Variants in TLE6 observed in about 807,000 individuals in gnomAD.
TLE6 encodes transducin-like enhancer protein 6.
A neutral mutation model predicts 77.1 loss-of-function variants in TLE6; 72 were observed. That is an observed-to-expected ratio of 0.93 (90% confidence interval 0.77 to 1.14). The LOEUF is 1.14. TLE6 is among the 50% of genes most tolerant of loss of function. The pLI, the probability that TLE6 is intolerant of heterozygous loss-of-function variation, is 0.00. For missense variants in TLE6, 843 were observed against 747.6 expected, an observed-to-expected ratio of 1.13 and a Z score of -1.49; for synonymous variants, 366 against 287.3, an observed-to-expected ratio of 1.27 and a Z score of -2.77.
At position 2,978,602 on chromosome 19, in the gene TLE6, A is replaced by T. The variant is rs1160369379; in HGVS notation, c.51+318A>T. The stretch of plus-strand genomic sequence containing the variant: ...CTGTCTCTGTAAAAAATAAAACTAG[A>T]AGAATCAGCTGGGCCTAGTGACGTG... On this transcript the variant is annotated intron_variant, in intron 2 of 16. Coordinates refer to ENST00000246112, the MANE Select transcript of TLE6 (RefSeq NM_001143986.2). Among the ~76,000 whole-genome samples the T allele has an allele frequency of 2.0e-5, 3 of 152,078 alleles. No individual in the cohort carries two copies. In the East Asian group the frequency reaches 5.8e-4, roughly 29 times the overall value.
At position 2,989,215 on chromosome 19, in the gene TLE6, C is replaced by T. The variant is rs374365091; in HGVS notation, c.895C>T (p.Arg299Trp). Residue 299 changes from arginine to tryptophan, a missense_variant, in exon 12 of 17, where the codon CGG becomes TGG. Transcript: ENST00000246112. The part of the protein sequence containing the change: ...VLATAISSFT[R>W]HVFTCGRRGI... ...CGCCACGGCCATCAGCAGCTTCACG[C>T]GGCACGTGTTCACCTGTGGCAGAAG... 23 of 1,614,134 alleles carry T rather than the reference C, an allele frequency of 1.4e-5. No homozygotes were observed. Among genetic ancestry groups the T allele is most frequent in the South Asian group, 4.4e-5 (4 of 91,090 alleles).
chr19:2,981,903 C>G (rs765420019), intron 4 of TLE6, among the ~76,000 whole-genome samples: 2 of 151,606 alleles, frequency 1.3e-5, no homozygotes, highest in Non-Finnish European at 2.9e-5. Flanking sequence ...GCCCAGGAGG[C>G]AGAGGTTGCG....
chr19:2,991,303 G>T (rs1372853660), intron 13 of TLE6, among the ~76,000 whole-genome samples: 1 of 147,638 alleles, frequency 6.8e-6, no homozygotes. Flanking sequence ...AGGTTGCAGT[G>T]AGCTGAGATC....
rs370296654 is a variant in TLE6 at position 2,995,094 on chromosome 19, G to C, written c.*90G>C. ...CAAGGGGGACATGGTGGAGGGAAGCGGGAAGGCTCTTCTGTGGCATCGCAC... is the reference window on the plus strand; with the variant it reads ...CAAGGGGGACATGGTGGAGGGAAGCCGGAAGGCTCTTCTGTGGCATCGCAC... On this transcript the variant is annotated 3_prime_UTR_variant, in exon 17 of 17. Coordinates refer to ENST00000246112, the MANE Select transcript of TLE6 (RefSeq NM_001143986.2). 1.2e-6 allele frequency: 1 copy of C among 845,614 alleles called. No individual in the cohort carries two copies. Among genetic ancestry groups the C allele is most frequent in the Non-Finnish European group, 1.9e-6 (1 of 533,572 alleles). The allele number at this position is 845,614 out of a possible 1,614,324, so 52.4% of individuals were successfully genotyped here. A position where few individuals can be genotyped will look rare whatever the true frequency, so the allele number is the denominator to read the frequency against.
Position 2,989,653 on chromosome 19 carries a change from TGA to T in TLE6, c.1113_1114del (p.Lys372GlyfsTer50). ...GACCTGGCGGCGCCCTCCCTGCATG[TGA>T]AGGAGCAGTTGCCCTGTGCAGGTCT... On this transcript the variant is annotated frameshift_variant, in exon 13 of 17. Transcript: ENST00000246112. LOFTEE classifies it high-confidence loss of function. The T allele has an allele frequency of 6.2e-7, 1 of 1,614,176 alleles. No individual in the cohort carries two copies. The highest frequency in any genetic ancestry group is 8.5e-7 in the Non-Finnish European group (1 of 1,180,018).
At chr19:2,991,395 T>TACACACACAC (rs373594184) in intron 13 of TLE6, among the ~76,000 whole-genome samples, 48 of 114,114 alleles carry the variant, frequency 4.2e-4, no homozygotes, top group South Asian at 1.7e-3. Flanking sequence ...TATATATATA[T>TACACACACAC]ACACACACAC....
intron 13 of TLE6, among the ~76,000 whole-genome samples, chr19:2,991,403 C>T (rs895113145): frequency 3.7e-4 from 53 of 142,368 alleles, no homozygotes; most frequent in South Asian, 9.3e-4. Context: ...TATACACACA[C>T]ACACACACAC....
intron 3 of TLE6, 146 bp from the exon 4 acceptor site, chr19:2,981,392 C>A: frequency 1.5e-6 from 1 of 673,518 alleles, no homozygotes; most frequent in Non-Finnish European, 2.5e-6. Flanking sequence ...TCTTACTGAA[C>A]TTCTTGACAC....
rs141722011 is a variant in TLE6, at chr19:2,994,969, G to A, written c.1684G>A (p.Gly562Arg). Residue 562 changes from glycine (G) to arginine (R), a missense_variant, in exon 17 of 17, where the codon GGG becomes AGG. Gly to Arg is a moderately radical substitution (Grantham distance 125, BLOSUM62 -2). Coordinates refer to ENST00000246112, the MANE Select transcript of TLE6 (RefSeq NM_001143986.2). Reference protein sequence around the residue: ...SNNRLVVTGSGEHASVYQITY With the variant: ...SNNRLVVTGSREHASVYQITY ...CAACCGCCTCGTTGTCACAGGCTCC[G>A]GGGAGCACGCCTCCGTGTACCAGAT... 54 of 1,608,692 alleles carry A rather than the reference G, an allele frequency of 3.4e-5. No individual in the cohort carries two copies. The highest frequency in any genetic ancestry group is 1.3e-4 in the African/African-American group (10 of 74,790).
chr19:2,993,631 C>T (rs775072794), intron 15 of TLE6, 49 bp downstream of exon 15: 13 of 1,515,920 alleles, frequency 8.6e-6, no homozygotes, highest in Admixed American at 2.1e-5. Flanking sequence ...CCCCCAGCCT[C>T]CCACAAGACC....
intron 13 of TLE6, among the ~76,000 whole-genome samples, chr19:2,990,227 T>C (rs562702111): frequency 3.2e-4 from 48 of 152,184 alleles, no homozygotes; most frequent in Non-Finnish European, 6.6e-4. Flanking sequence ...ATAAAACGAA[T>C]TTATTCTATT....
At chr19:2,979,542 C>T (rs989455685) in intron 2 of TLE6, among the ~76,000 whole-genome samples, 3 of 151,940 alleles carry the variant, frequency 2.0e-5, no homozygotes, top group Non-Finnish European at 4.4e-5. Context: ...CCACCTTGCC[C>T]GGACTTTTAT....
intron 15 of TLE6, 62 bp downstream of exon 15, chr19:2,993,644 A>C (rs954465012): frequency 3.9e-5 from 59 of 1,503,706 alleles, no homozygotes; most frequent in Non-Finnish European, 5.3e-5. Context: ...ACAAGACCCC[A>C]CCTAATGCCA....
At chr19:2,982,108 C>T (rs1164080086) in intron 4 of TLE6, 40 bp from the exon 5 acceptor site, 57 of 1,550,904 alleles carry the variant, frequency 3.7e-5, no homozygotes, top group South Asian at 6.0e-5. Context: ...CATTCACACC[C>T]GGACCACCTC....
intron 15 of TLE6, among the ~76,000 whole-genome samples, 183 bp downstream of exon 15, chr19:2,993,765 C>G (rs11084985): frequency 0.082 from 12,448 of 151,828 alleles, 576 homozygotes; most frequent in Non-Finnish European, 0.1. Flanking sequence ...TGCCTGGGCC[C>G]TTCCTCCCCA....
chr19:2,983,914 G>C (rs922944473), intron 5 of TLE6: 7 of 152,384 alleles, frequency 4.6e-5, no homozygotes, highest in African/African-American at 7.2e-5. Flanking sequence ...GGATACGCAG[G>C]GGGTGAGGGC....
Position 2,987,015 on chromosome 19 carries a change from G to A in TLE6, c.318G>A (p.Thr106=), listed in dbSNP as rs372758560. The change falls in exon 7 of 17, where the codon ACG becomes ACA. Residue 106 remains threonine (T), a synonymous_variant. Coordinates refer to ENST00000246112, the MANE Select transcript of TLE6 (RefSeq NM_001143986.2). ...CTGCTGAACCAGCCAGCCCTGGGAC[G>A]CCCCAGCAGGTGAAGGACAAGACCC... ...VSPAEPASPG[T]PQQVKDKTLQ... 81 of 1,613,160 alleles carry A rather than the reference G, an allele frequency of 5.0e-5. No individual in the cohort carries two copies. The highest frequency in any genetic ancestry group is 1.6e-4 in the Middle Eastern group (1 of 6,082).
At chr19:2,982,592 G>C (rs1302290000) in intron 5 of TLE6, among the ~76,000 whole-genome samples, 1 of 151,616 alleles carries the variant, frequency 6.6e-6, no homozygotes, top group Non-Finnish European at 1.5e-5. Context: ...AGGACGAGGG[G>C]TAGGTCATGC....
chr19:2,982,119 C>T (rs1364093426), intron 4 of TLE6, 29 bp from the exon 5 acceptor site: 1 of 1,551,508 alleles, frequency 6.4e-7, no homozygotes, highest in East Asian at 2.4e-5. Context: ...GGACCACCTC[C>T]CGATGGGATC....
Sources: gnomAD v4.1 joint callset for allele counts (sites outside exome capture counted in the v4.1 genomes callset) on GRCh38, gnomAD v4.1.1 for gene constraint, MANE v1.5 for transcripts, NCBI Gene and HGNC (gene_info 2026-07-23, HGNC 2026-07-21) for gene names.